ADCY10: variants seen among roughly 807,000 people sequenced by gnomAD.
The protein encoded by ADCY10 is adenylate cyclase 10, also known as adenylate cyclase type 10.
A neutral mutation model predicts 183.3 loss-of-function variants in ADCY10; 156 were observed. The ratio of observed to expected loss-of-function variants is 0.85; its 90% CI spans 0.75 to 0.97. The LOEUF (loss-of-function observed/expected upper bound fraction) is 0.97, where lower values mean the gene tolerates loss of function less well. ADCY10 is among the 50% of genes least tolerant of loss of function. The pLI is 0.00. For missense variants in ADCY10, 1,745 were observed against 1,934.3 expected (o/e 0.90, Z 1.84); for synonymous variants, 645 against 670.0 (o/e 0.96, Z 0.58).
chr1:167,859,861 G>T lies in ADCY10; in HGVS notation c.1842C>A (p.Ser614Arg), dbSNP rs1288276493. ...CCAATTGTTTTTGCTTTTTCAAGGT[G>T]CTCATCCTGGAAATCTCCCGAGAAA... ...FPISREISRMSTLKKQKQLEI... is the reference protein window; with the variant it reads ...FPISREISRMRTLKKQKQLEI... The change falls in exon 16 of 33, where the codon AGC (serine) becomes AGA (arginine). Residue 614 changes from serine (S) to arginine (R), a missense_variant. Transcript: ENST00000367851. The T allele has an allele frequency of 6.2e-7, 1 of 1,613,062 alleles. No homozygotes were observed. The highest frequency in any genetic ancestry group is 2.2e-5 in the East Asian group (1 of 44,870).
intron 10 of ADCY10, 51 bp from the exon 11 acceptor site, chr1:167,880,242 G>C (rs189563281): frequency 6.9e-7 from 1 of 1,456,646 alleles, no homozygotes; most frequent in Non-Finnish European, 9.6e-7. Context: ...GATAATGAGC[G>C]TAGAGAAAGT....
Position 167,881,834 on chromosome 1 carries a change from A to G in ADCY10, c.1021-1225T>C, listed in dbSNP as rs370857477. On this transcript the variant is annotated intron_variant, in intron 9 of 32. Transcript: ENST00000367851. ...GAAAGACTGTTCTCTTAGATTCTACACTCTTTTCTTATGATACCCATGGGT... is the reference window on the plus strand; with the variant it reads ...GAAAGACTGTTCTCTTAGATTCTACGCTCTTTTCTTATGATACCCATGGGT... 2.6e-5 allele frequency among the ~76,000 whole-genome samples: 4 copies of G among 152,108 alleles called. No individual in the cohort carries two copies. In the East Asian group the frequency reaches 7.7e-4, roughly 29 times the overall value.
chr1:167,864,714 T>TA (rs1666555564), intron 14 of ADCY10, among the ~76,000 whole-genome samples: 1 of 152,184 alleles, frequency 6.6e-6, no homozygotes, highest in Non-Finnish European at 1.5e-5. Flanking sequence ...ATTTAAAACC[T>TA]AAAATTGATA....
chr1:167,851,636 G>A (rs1267139798), intron 18 of ADCY10, among the ~76,000 whole-genome samples: 1 of 151,794 alleles, frequency 6.6e-6, no homozygotes, highest in African/African-American at 2.4e-5. Flanking sequence ...GCCTGGCCAA[G>A]GTGGTGAAAC....
chr1:167,908,144 C>T, intron 1 of ADCY10, among the ~76,000 whole-genome samples: 1 of 152,148 alleles, frequency 6.6e-6, no homozygotes. Flanking sequence ...AGATATGGAA[C>T]CAACCTAATT....
chr1:167,849,134 T>C (rs953332525), intron 18 of ADCY10, among the ~76,000 whole-genome samples: 1 of 152,120 alleles, frequency 6.6e-6, no homozygotes, highest in African/African-American at 2.4e-5. Flanking sequence ...ATTATGTATA[T>C]ACATAATGTA....
chr1:167,822,922 C>T (rs1663005015), intron 29 of ADCY10, 86 bp downstream of exon 29: 1 of 1,219,790 alleles, frequency 8.2e-7, no homozygotes, highest in Admixed American at 1.7e-5. Context: ...CTAGTGGTCC[C>T]AAAGCCCCAA....
chr1:167,877,170 T>C (rs1401282372), intron 12 of ADCY10, among the ~76,000 whole-genome samples: 1 of 151,424 alleles, frequency 6.6e-6, no homozygotes, highest in Non-Finnish European at 1.5e-5. Flanking sequence ...GATATGGCCA[T>C]AGACAAGTCA....
intron 25 of ADCY10, among the ~76,000 whole-genome samples, chr1:167,831,990 T>C (rs1558159003): frequency 6.6e-6 from 1 of 152,150 alleles, no homozygotes; most frequent in East Asian, 1.9e-4. Context: ...ACCTCCAACG[T>C]GCACAGGAGC....
chr1:167,868,225 C>T (rs537477807), intron 14 of ADCY10, among the ~76,000 whole-genome samples: 2 of 152,198 alleles, frequency 1.3e-5, no homozygotes, highest in East Asian at 1.9e-4. Context: ...CCTCATGTTA[C>T]GTTTGTGGAG....
chr1:167,836,469 T>G lies in ADCY10; in HGVS notation c.3149A>C (p.Glu1050Ala). 6.2e-7 allele frequency: 1 copy of G among 1,614,206 alleles called. No homozygotes were observed. Among genetic ancestry groups the G allele is most frequent in the Non-Finnish European group, 8.5e-7 (1 of 1,180,008 alleles). Reference sequence around the variant, plus strand: ...GCAAGATTCCAGAGGGATAATGTCTTCGTCAGATGTCTTCATTTTTGTTAA... The same window carrying G: ...GCAAGATTCCAGAGGGATAATGTCTGCGTCAGATGTCTTCATTTTTGTTAA... The part of the protein sequence containing the change: ...HVLTKMKTSD[E>A]DIIPLESCQC... The change falls in exon 23 of 33, where the codon GAA becomes GCA. Residue 1050 changes from glutamate (E) to alanine (A), a missense_variant. By Grantham distance (107) the Glu-to-Ala change is moderately radical. Coordinates refer to ENST00000367851, the MANE Select transcript of ADCY10 (RefSeq NM_018417.6).
At chr1:167,837,580 T>C (rs1322820794) in intron 21 of ADCY10, among the ~76,000 whole-genome samples, 2 of 152,310 alleles carry the variant, frequency 1.3e-5, no homozygotes, top group African/African-American at 2.4e-5. Context: ...AGAAAGCAAG[T>C]AATTCTAAGA....
intron 21 of ADCY10, among the ~76,000 whole-genome samples, chr1:167,838,813 C>G (rs980027098): frequency 5.3e-5 from 8 of 152,208 alleles, no homozygotes; most frequent in Non-Finnish European, 1.2e-4. Flanking sequence ...CAGAAACTCT[C>G]GAATCTCTCC....
At chr1:167,814,163 CA>C (rs1346623121) in intron 31 of ADCY10, among the ~76,000 whole-genome samples, 1 of 151,856 alleles carries the variant, frequency 6.6e-6, no homozygotes, top group Non-Finnish European at 1.5e-5. Context: ...AAACTCTCAA[CA>C]AAAAAACAAG....
rs1254923413 is a variant in ADCY10 at position 167,824,400 on chromosome 1, G to A, written c.4052+76C>T. 24 of 1,241,392 alleles carry A rather than the reference G, an allele frequency of 1.9e-5. No homozygotes were observed. In the Admixed American group the frequency reaches 3.5e-4, roughly 18 times the overall value. 76.9% of individuals were successfully genotyped at this position (1,241,392 alleles called of 1,614,324 possible). On this transcript the variant is annotated intron_variant, in intron 28 of 32. Transcript: ENST00000367851. ...TACTCCCTTCCCCACCCTAGGACTA[G>A]GCTAAAGTTGAACCCAGAATACTCA...
chr1:167,817,989 A>C, intron 31 of ADCY10, 83 bp downstream of exon 31: 1 of 1,332,780 alleles, frequency 7.5e-7, no homozygotes, highest in Non-Finnish European at 1.1e-6. Flanking sequence ...TGAATTCTAT[A>C]ATGAGAAAAT....
At chr1:167,910,029 C>T (rs1670051530) in intron 1 of ADCY10, among the ~76,000 whole-genome samples, 1 of 152,158 alleles carries the variant, frequency 6.6e-6, no homozygotes. Context: ...CACGTGGAAC[C>T]CCTCACAGCT....
In ADCY10 at chr1:167,901,622, T is replaced by C. The variant is rs766258939; in HGVS notation, c.436+40A>G. 1.1e-5 allele frequency: 17 copies of C among 1,605,068 alleles called. No individual in the cohort carries two copies. In the South Asian group the frequency reaches 1.8e-4, roughly 17 times the overall value. ...AGATGCCCCAGGAGTCAAGACCCTA[T>C]CCCAGCTGCCGTAGGATTTATTCCT... On this transcript the variant is annotated intron_variant, in intron 5 of 32. Coordinates refer to ENST00000367851, the MANE Select transcript of ADCY10 (RefSeq NM_018417.6).
chr1:167,845,452 C>T, intron 21 of ADCY10, 111 bp downstream of exon 21: 1 of 1,149,112 alleles, frequency 8.7e-7, no homozygotes, highest in Non-Finnish European at 1.3e-6. Context: ...TCTTTGTGCC[C>T]AAGCCGCTTA....
Sources: gnomAD v4.1 joint callset for allele counts (sites outside exome capture counted in the v4.1 genomes callset) on GRCh38, gnomAD v4.1.1 for gene constraint, MANE v1.5 for transcripts, NCBI Gene and HGNC (gene_info 2026-07-23, HGNC 2026-07-21) for gene names.